The following PRRT1B variants were observed in gnomAD, a reference collection of about 807,000 sequenced individuals.
The protein encoded by PRRT1B is dispanin subfamily D member 2.
chr9:131,559,164 C>T (rs1224523981), downstream of PRRT1B, among the ~76,000 whole-genome samples: 1 of 152,198 alleles, frequency 6.6e-6, no homozygotes, highest in African/African-American at 2.4e-5. Flanking sequence ...ATTGCAGAGG[C>T]CAGGCGAGGT....
chr9:131,552,091 C>G (rs1366340522), intron 1 of PRRT1B, among the ~76,000 whole-genome samples: 2 of 152,216 alleles, frequency 1.3e-5, no homozygotes, highest in African/African-American at 4.8e-5. Context: ...CCGCATCCAG[C>G]CATGTTCGCC....
chr9:131,556,985 T>C (rs1223212665), intron 3 of PRRT1B, among the ~76,000 whole-genome samples: 1 of 151,944 alleles, frequency 6.6e-6, no homozygotes, highest in Non-Finnish European at 1.5e-5. Flanking sequence ...ATCATCCATC[T>C]ACCATCCATC....
intron 3 of PRRT1B, among the ~76,000 whole-genome samples, chr9:131,557,505 T>G (rs1951058205): frequency 6.6e-6 from 1 of 152,124 alleles, no homozygotes; most frequent in South Asian, 2.1e-4. Flanking sequence ...ACCACTGCAC[T>G]CTAGCCTGTG....
intron 1 of PRRT1B, among the ~76,000 whole-genome samples, chr9:131,550,402 G>A (rs554659746): frequency 6.6e-6 from 1 of 152,276 alleles, no homozygotes; most frequent in African/African-American, 2.4e-5. Context: ...ACACCCATCA[G>A]GCTCAGCAAA....
At chr9:131,548,425 C>T (rs35763706) in intron 1 of PRRT1B, among the ~76,000 whole-genome samples, 73,425 of 151,892 alleles carry the variant, frequency 0.48, 18,695 homozygotes, top group Non-Finnish European at 0.56. Context: ...TCTGCAACAC[C>T]GCTTGACCCC....
chr9:131,554,088 C>T (rs895624633), intron 1 of PRRT1B, among the ~76,000 whole-genome samples: 3 of 152,162 alleles, frequency 2.0e-5, no homozygotes, highest in African/African-American at 7.2e-5. Flanking sequence ...AGTTTGGCAG[C>T]TCCTGGGCAC....
At position 131,551,180 on chromosome 9, in the gene PRRT1B, G is replaced by A. The variant is rs1189093155; in HGVS notation, c.26-3377G>A. On this transcript the variant is annotated intron_variant, in intron 1 of 3. Transcript: ENST00000636672. This position sits in a 1 kb window ranked among gnomAD's most constrained non-coding sequence, Gnocchi z 4.4. ...GATGGTCTCAATCTCCTGACCTCAT[G>A]ATCCACCCGCTTCAGCCTCCCAAAA... Among the ~76,000 whole-genome samples, 1 of 151,920 alleles carries A rather than the reference G, an allele frequency of 6.6e-6. No homozygotes were observed. The highest frequency in any genetic ancestry group is 1.9e-4 in the East Asian group (1 of 5,168).
At chr9:131,550,853 A>T (rs1329518016) in intron 1 of PRRT1B, among the ~76,000 whole-genome samples, 4 of 151,134 alleles carry the variant, frequency 2.6e-5, no homozygotes, top group Non-Finnish European at 4.4e-5. Context: ...GGTCCTCCCA[A>T]TTCTTAGTCA....
intron 1 of PRRT1B, among the ~76,000 whole-genome samples, chr9:131,546,937 C>T (rs1950979463): frequency 6.6e-6 from 1 of 152,052 alleles, no homozygotes; most frequent in Non-Finnish European, 1.5e-5. Flanking sequence ...CTCGCTGAGA[C>T]CCACGTTTCT....
At chr9:131,556,633 ATCTC>A (rs895137647) in intron 3 of PRRT1B, among the ~76,000 whole-genome samples, 2 of 149,004 alleles carry the variant, frequency 1.3e-5, no homozygotes, top group African/African-American at 4.9e-5. Flanking sequence ...CCCATCCACC[ATCTC>A]TCTCTTTTTT....
chr9:131,557,879 C>T (rs1004531011), intron 3 of PRRT1B, among the ~76,000 whole-genome samples, 174 bp from the exon 4 acceptor site: 4 of 152,262 alleles, frequency 2.6e-5, no homozygotes, highest in Admixed American at 6.5e-5. Context: ...GGCTGGCGGC[C>T]GCCACTGCCA....
chr9:131,554,621 C>T, exon 2 of PRRT1B: 1 of 395,414 alleles, frequency 2.5e-6, no homozygotes. Flanking sequence ...CCGCGAAGCC[C>T]GCCGCCCCCG....
chr9:131,556,400 A>G (rs906541959), intron 3 of PRRT1B, among the ~76,000 whole-genome samples, 187 bp downstream of exon 3: 8 of 152,298 alleles, frequency 5.3e-5, no homozygotes, highest in East Asian at 1.9e-4. Context: ...TCTGCCCCCA[A>G]CTATTCAAAA....
rs546049217 is a variant in PRRT1B, at chr9:131,550,939, CTTTTTTT to C, written c.26-3603_26-3597del. ...TAGTTTTTCTTTTTCTTTTCTTTTTCTTTTTTTTTTTTTTTTTTTTTGAGACAGAGTC... is the reference window on the plus strand; with the variant it reads ...TAGTTTTTCTTTTTCTTTTCTTTTTCTTTTTTTTTTTTTTGAGACAGAGTC... On this transcript the variant is annotated intron_variant, in intron 1 of 3. Coordinates refer to ENST00000636672, the Ensembl canonical transcript of PRRT1B. 6.2e-3 allele frequency among the ~76,000 whole-genome samples: 470 copies of C among 75,996 alleles called. 2 individuals are homozygous for C. The highest frequency in any genetic ancestry group is 0.022 in the African/African-American group (436 of 19,434). The allele number at this position is 75,996 out of a possible 152,430, so 49.9% of individuals were successfully genotyped here. A position where few individuals can be genotyped will look rare whatever the true frequency, so the allele number is the denominator to read the frequency against.
intron 3 of PRRT1B, among the ~76,000 whole-genome samples, chr9:131,556,798 A>AT (rs1252556261): frequency 3.3e-5 from 5 of 151,942 alleles, no homozygotes; most frequent in African/African-American, 9.7e-5. Flanking sequence ...TGCCCAGCTA[A>AT]TTTTTTGTAT....
intron 2 of PRRT1B, among the ~76,000 whole-genome samples, chr9:131,555,562 G>A (rs1299926148): frequency 2.6e-5 from 4 of 152,098 alleles, no homozygotes; most frequent in Non-Finnish European, 5.9e-5. Flanking sequence ...TGTAGCCCCA[G>A]CTATTCTTGA....
intron 3 of PRRT1B, 148 bp downstream of exon 3, chr9:131,556,361 T>C (rs1200193318): frequency 2.5e-6 from 1 of 396,880 alleles, no homozygotes; most frequent in Non-Finnish European, 4.4e-6. Flanking sequence ...CAGAGCCCAG[T>C]TGTTTGTGGG....
chr9:131,551,080 C>T lies in PRRT1B; in HGVS notation c.26-3477C>T, dbSNP rs1951009003. On this transcript the variant is annotated intron_variant, in intron 1 of 3. Coordinates refer to ENST00000636672, the Ensembl canonical transcript of PRRT1B. This position sits in a 1 kb window ranked among gnomAD's most constrained non-coding sequence, Gnocchi z 4.4. ...GCCTCAGCCTCCCGAGTAGCTGGGACTACAGGCACCCGCCACCATGCTCCG... is the reference window on the plus strand; with the variant it reads ...GCCTCAGCCTCCCGAGTAGCTGGGATTACAGGCACCCGCCACCATGCTCCG... Among the ~76,000 whole-genome samples the T allele has an allele frequency of 6.6e-6, 1 of 150,828 alleles. No individual in the cohort carries two copies. The highest frequency in any genetic ancestry group is 1.5e-5 in the Non-Finnish European group (1 of 67,776).
chr9:131,550,717 G>A (rs1192322725), intron 1 of PRRT1B, among the ~76,000 whole-genome samples: 3 of 152,068 alleles, frequency 2.0e-5, no homozygotes, highest in Admixed American at 6.6e-5. Context: ...TCATGTCTGC[G>A]TGCAGCAGCT....
Sources: allele counts gnomAD v4.1 joint callset (sites outside exome capture counted in the v4.1 genomes callset), GRCh38; gene constraint gnomAD v4.1.1; non-coding constraint Gnocchi (gnomAD v3.1); transcripts MANE v1.5; gene names NCBI Gene and HGNC (gene_info 2026-07-23, HGNC 2026-07-21).